The following MTFR1 variants were observed in gnomAD, a reference collection of about 807,000 sequenced individuals.
MTFR1 encodes mitochondrial fission regulator 1.
In MTFR1, 28 loss-of-function variants were observed where a neutral mutation model predicts 38.8. That is an observed-to-expected ratio of 0.72 (90% CI 0.53 to 0.99). MTFR1 has a LOEUF of 0.99. Among genes scored for constraint, MTFR1 ranks in the 50% least tolerant of loss-of-function variants. The pLI is 0.00. For missense variants in MTFR1, 358 were observed against 395.5 expected, an observed-to-expected ratio of 0.91 and a Z score of 0.81; for synonymous variants, 145 against 137.0, an observed-to-expected ratio of 1.06 and a Z score of -0.41.
chr8:65,747,890 G>A (rs1284227140), intron 3 of MTFR1: 3 of 670,580 alleles, frequency 4.5e-6, no homozygotes, highest in Non-Finnish European at 7.1e-6. Context: ...TTATGTACAA[G>A]TATTTTTAAA....
At chr8:65,667,554 A>G (rs1804423099) in intron 1 of MTFR1, among the ~76,000 whole-genome samples, 1 of 152,024 alleles carries the variant, frequency 6.6e-6, no homozygotes, top group South Asian at 2.1e-4. Flanking sequence ...CAGCCTCCCA[A>G]GTAGCTGGGA....
chr8:65,677,456 C>T (rs1244700152), intron 2 of MTFR1, among the ~76,000 whole-genome samples: 1 of 145,180 alleles, frequency 6.9e-6, no homozygotes, highest in Non-Finnish European at 1.5e-5. Flanking sequence ...GATGTCAGCT[C>T]ACGGCAACCT....
chr8:65,724,621 TCTC>T (rs1806531940), intron 3 of MTFR1, among the ~76,000 whole-genome samples: 1 of 152,200 alleles, frequency 6.6e-6, no homozygotes, highest in Non-Finnish European at 1.5e-5. Context: ...TCACCAGTGA[TCTC>T]CTTTTGGAAG....
intron 3 of MTFR1, among the ~76,000 whole-genome samples, chr8:65,738,453 C>T (rs1000838187): frequency 6.6e-6 from 1 of 152,194 alleles, no homozygotes; most frequent in African/African-American, 2.4e-5. Context: ...AAAGACTTTA[C>T]CAGGAATCAT....
intron 3 of MTFR1, among the ~76,000 whole-genome samples, chr8:65,732,803 G>A (rs781359373): frequency 1.8e-4 from 27 of 152,120 alleles, no homozygotes; most frequent in Non-Finnish European, 2.5e-4. Context: ...ATGAGCCACC[G>A]CACTTGGACC....
At chr8:65,683,288 C>T (rs1375898304) in intron 3 of MTFR1, among the ~76,000 whole-genome samples, 7 of 151,866 alleles carry the variant, frequency 4.6e-5, no homozygotes, top group African/African-American at 1.7e-4. Context: ...CACACCACCA[C>T]GGCCAGCTAA....
chr8:65,762,991 A>ATGTGTG lies in MTFR1; in HGVS notation c.*49-7914_*49-7909dup, dbSNP rs34371328. The stretch of plus-strand genomic sequence containing the variant: ...ATCTCTTTATATTTATATAAAAACA[A>ATGTGTG]TGTGTGTGTGTGTGTGTGTGTGTGT... On this transcript the variant is annotated intron_variant, in intron 3 of 3. Transcript: ENST00000521247. Among the ~76,000 whole-genome samples, 188 of 138,612 alleles carry ATGTGTG rather than the reference A, an allele frequency of 1.4e-3. 1 individual carries two copies. The highest frequency in any genetic ancestry group is 2.0e-3 in the African/African-American group (76 of 37,676). 90.9% of individuals were successfully genotyped at this position (138,612 alleles called of 152,430 possible).
At chr8:65,693,867 A>C in intron 4 of MTFR1, 108 bp downstream of exon 4, 1 of 780,174 alleles carries the variant, frequency 1.3e-6, no homozygotes. Context: ...CTAGTAATGC[A>C]CCCTCTTCTT....
intron 2 of MTFR1, chr8:65,679,597 C>T (rs954615016): frequency 6.6e-6 from 1 of 152,156 alleles, no homozygotes; most frequent in African/African-American, 2.4e-5. Flanking sequence ...TTCACTCCAG[C>T]CTGGGCGAAA....
At chr8:65,665,182 C>T (rs1270911167) in intron 1 of MTFR1, among the ~76,000 whole-genome samples, 1 of 152,056 alleles carries the variant, frequency 6.6e-6, no homozygotes, top group Non-Finnish European at 1.5e-5. Flanking sequence ...ATCCGCCCAC[C>T]TCAGCCTCCC....
At chr8:65,678,262 A>C (rs1804774598) in intron 2 of MTFR1, among the ~76,000 whole-genome samples, 2 of 152,130 alleles carry the variant, frequency 1.3e-5, no homozygotes, top group Non-Finnish European at 2.9e-5. Flanking sequence ...CTGTACAGCC[A>C]TTTACAATTT....
At chr8:65,767,132 G>A (rs1333116572) in intron 3 of MTFR1, among the ~76,000 whole-genome samples, 1 of 152,138 alleles carries the variant, frequency 6.6e-6, no homozygotes, top group African/African-American at 2.4e-5. Flanking sequence ...TTTATTTGTG[G>A]CTAATCTTGT....
intron 3 of MTFR1, among the ~76,000 whole-genome samples, chr8:65,736,273 C>T (rs1004965092): frequency 1.3e-5 from 2 of 152,098 alleles, no homozygotes; most frequent in Admixed American, 6.5e-5. Context: ...AATGAGATTT[C>T]ATCACGCTGC....
chr8:65,697,337 C>G (rs879852342), intron 4 of MTFR1, among the ~76,000 whole-genome samples: 29 of 152,180 alleles, frequency 1.9e-4, no homozygotes, highest in Admixed American at 1.9e-3. Flanking sequence ...AGAATGGCCA[C>G]GGGCGTGCAC....
chr8:65,752,565 G>GGCC (rs1301482576), intron 3 of MTFR1, among the ~76,000 whole-genome samples: 4 of 152,146 alleles, frequency 2.6e-5, no homozygotes, highest in South Asian at 4.1e-4. Flanking sequence ...ATTTTTGTAT[G>GGCC]GCCGCCCACA....
intron 3 of MTFR1, among the ~76,000 whole-genome samples, chr8:65,739,290 A>C (rs1807295991): frequency 6.6e-6 from 1 of 152,212 alleles, no homozygotes; most frequent in Non-Finnish European, 1.5e-5. Context: ...TGCTGTCTGC[A>C]GGTGCACAAA....
intron 3 of MTFR1, chr8:65,682,760 G>C: frequency 5.1e-6 from 5 of 985,082 alleles, no homozygotes; most frequent in Non-Finnish European, 6.0e-6. Context: ...TATTCCAGGT[G>C]CTTCATGTAC....
At chr8:65,775,416 T>C (rs947264783), downstream of MTFR1, among the ~76,000 whole-genome samples, 45 of 152,386 alleles carry the variant, frequency 3.0e-4, no homozygotes, top group African/African-American at 9.1e-4. Context: ...TTTAAGGCTA[T>C]GAATTTTCCT....
chr8:65,718,968 C>T (rs763418385), intron 2 of MTFR1: 7 of 342,196 alleles, frequency 2.0e-5, no homozygotes, highest in Non-Finnish European at 3.3e-5. Context: ...TCAAGTTTCA[C>T]GTTTTGAAGA....
Sources: allele counts gnomAD v4.1 joint callset (sites outside exome capture counted in the v4.1 genomes callset), GRCh38; gene constraint gnomAD v4.1.1; transcripts MANE v1.5; gene names NCBI Gene and HGNC (gene_info 2026-07-23, HGNC 2026-07-21).